The following UNC13C variants were observed in gnomAD, a reference collection of about 807,000 sequenced individuals.
UNC13C encodes the protein protein unc-13 homolog C.
A neutral mutation model predicts 245.4 loss-of-function variants in UNC13C; 174 were observed. The observed-to-expected ratio is 0.71, with a 90% CI of 0.63 to 0.80. The LOEUF (loss-of-function observed/expected upper bound fraction) is 0.80. Ranked by LOEUF, UNC13C falls within the 30% of genes least tolerant of loss-of-function variation. The probability of loss-of-function intolerance (pLI) is 0.00; values close to 1 mark genes in which losing one functional copy is unlikely to be tolerated. For synonymous variants in UNC13C, 992 were observed against 895.1 expected (o/e 1.11, Z -1.93); for missense variants, 2,829 against 2,602.9 (o/e 1.09, Z -1.89).
rs568863370 is a variant in UNC13C, at chr15:54,371,717, T to C, written c.4714-21331T>C. On this transcript the variant is annotated intron_variant, in intron 17 of 32. Coordinates refer to ENST00000260323, the MANE Select transcript of UNC13C (RefSeq NM_001080534.3). ...CCCCTTAATAATGGATATATATATA[T>C]ACACACACACACACACACACATACC... Among the ~76,000 whole-genome samples the C allele has an allele frequency of 2.8e-3, 423 of 149,682 alleles. 5 individuals are homozygous for C. Among genetic ancestry groups the C allele is most frequent in the African/African-American group, 9.3e-3 (380 of 40,766 alleles).
At chr15:53,988,419 G>A (rs1294991420) in intron 1 of UNC13C, among the ~76,000 whole-genome samples, 1 of 151,920 alleles carries the variant, frequency 6.6e-6, no homozygotes, top group Non-Finnish European at 1.5e-5. Context: ...AAATTGTTGT[G>A]AGTAGAGAGC....
intron 30 of UNC13C, among the ~76,000 whole-genome samples, chr15:54,580,517 C>T (rs1429818515): frequency 1.3e-5 from 2 of 152,214 alleles, no homozygotes; most frequent in African/African-American, 4.8e-5. Context: ...TGCTCTGGTT[C>T]TGCCTGGCTG....
chr15:54,581,172 G>A (rs1406877094), intron 30 of UNC13C, among the ~76,000 whole-genome samples: 1 of 152,060 alleles, frequency 6.6e-6, no homozygotes, highest in Admixed American at 6.6e-5. Flanking sequence ...GGGAGCCTTC[G>A]GGGAAGATGT....
At chr15:54,598,198 T>G (rs1378454818) in intron 30 of UNC13C, among the ~76,000 whole-genome samples, 1 of 152,178 alleles carries the variant, frequency 6.6e-6, no homozygotes, top group Non-Finnish European at 1.5e-5. Flanking sequence ...GTTGAAACAA[T>G]TCCCCTGCCT....
At position 54,553,525 on chromosome 15, in the gene UNC13C, CAT is replaced by C. The variant is rs1168964002; in HGVS notation, c.5878-1902_5878-1901del. Among the ~76,000 whole-genome samples the C allele has an allele frequency of 4.3e-5, 6 of 139,774 alleles. No homozygotes were observed. The South Asian group carries it at 6.5e-4, about 15-fold the overall frequency. The allele number at this position is 139,774 out of a possible 152,430, so 91.7% of individuals were successfully genotyped here. The stretch of plus-strand genomic sequence containing the variant: ...TATATTAAATATATGCTATATATAA[CAT>C]ATATTTGCCTCAAAATATTTCATAT... On this transcript the variant is annotated intron_variant, in intron 28 of 32. Transcript: ENST00000260323.
intron 26 of UNC13C, among the ~76,000 whole-genome samples, chr15:54,544,801 C>G (rs556538193): frequency 1.5e-4 from 23 of 152,152 alleles, no homozygotes; most frequent in Non-Finnish European, 2.2e-4. Flanking sequence ...TAAGAGAGGA[C>G]ACAAACAAAT....
chr15:53,876,363 T>C, the UNC13C span, among the ~76,000 whole-genome samples: 1 of 152,170 alleles, frequency 6.6e-6, no homozygotes, highest in Non-Finnish European at 1.5e-5. Flanking sequence ...ATTTCAATAT[T>C]ATATTTAAAA....
intron 4 of UNC13C, among the ~76,000 whole-genome samples, chr15:54,162,999 T>C (rs541549900): frequency 6.6e-6 from 1 of 152,298 alleles, no homozygotes; most frequent in African/African-American, 2.4e-5. Flanking sequence ...TTTTCTTTTC[T>C]TCTGTCTCAC....
chr15:54,312,703 C>G (rs541981229), intron 13 of UNC13C, among the ~76,000 whole-genome samples: 3 of 151,712 alleles, frequency 2.0e-5, no homozygotes, highest in African/African-American at 7.3e-5. Context: ...AACAGCTTTA[C>G]TGCCTGGGGA....
At chr15:54,399,400 A>G (rs2040135623) in intron 18 of UNC13C, among the ~76,000 whole-genome samples, 1 of 151,796 alleles carries the variant, frequency 6.6e-6, no homozygotes, top group African/African-American at 2.4e-5. Context: ...ATTATTTCTA[A>G]ATATTCATAA....
intron 25 of UNC13C, among the ~76,000 whole-genome samples, chr15:54,532,029 A>T (rs60616953): frequency 0.1 from 15,167 of 152,070 alleles, 975 homozygotes; most frequent in African/African-American, 0.17. Context: ...TTTCTTGTAA[A>T]TTTATGTTAT....
At chr15:54,558,481 C>T (rs1897174812) in intron 29 of UNC13C, among the ~76,000 whole-genome samples, 1 of 152,106 alleles carries the variant, frequency 6.6e-6, no homozygotes, top group African/African-American at 2.4e-5. Flanking sequence ...AAAGAGATTA[C>T]TTCTTGCTAT....
the UNC13C span, among the ~76,000 whole-genome samples, chr15:53,862,031 C>T: frequency 3.6e-4 from 54 of 152,058 alleles, no homozygotes; most frequent in African/African-American, 1.3e-3. Flanking sequence ...GCTGCTATAA[C>T]AAAATACCAT....
intron 10 of UNC13C, among the ~76,000 whole-genome samples, chr15:54,293,671 A>T (rs2037359116): frequency 6.6e-6 from 1 of 152,080 alleles, no homozygotes; most frequent in African/African-American, 2.4e-5. Flanking sequence ...TAAAGGAAAT[A>T]GGATGGAATG....
At chr15:54,545,596 T>G (rs905393105) in intron 26 of UNC13C, among the ~76,000 whole-genome samples, 5 of 152,258 alleles carry the variant, frequency 3.3e-5, no homozygotes, top group African/African-American at 1.2e-4. Context: ...CTACTTAATC[T>G]ATAAGGAACT....
chr15:54,128,190 C>T (rs1477417492), intron 2 of UNC13C, among the ~76,000 whole-genome samples: 1 of 152,074 alleles, frequency 6.6e-6, no homozygotes, highest in Non-Finnish European at 1.5e-5. Flanking sequence ...ATGAAGTACT[C>T]ATAAATATAG....
intron 8 of UNC13C, among the ~76,000 whole-genome samples, chr15:54,254,881 T>C (rs1177777098): frequency 6.6e-6 from 1 of 152,196 alleles, no homozygotes; most frequent in Admixed American, 6.5e-5. Context: ...CATTCTATGC[T>C]GCCTGCTGTA....
chr15:54,245,959 A>G (rs942255413), intron 7 of UNC13C, among the ~76,000 whole-genome samples: 1 of 152,158 alleles, frequency 6.6e-6, no homozygotes, highest in African/African-American at 2.4e-5. Context: ...GAAAGGAAAA[A>G]GGAGAGAAAC....
chr15:53,977,599 T>C (rs559543254), upstream of UNC13C, among the ~76,000 whole-genome samples: 3 of 152,208 alleles, frequency 2.0e-5, no homozygotes, highest in Non-Finnish European at 4.4e-5. Flanking sequence ...AGATGTAGCT[T>C]AAAACCTCCA....
Sources: gnomAD v4.1 joint callset for allele counts (sites outside exome capture counted in the v4.1 genomes callset) on GRCh38, gnomAD v4.1.1 for gene constraint, MANE v1.5 for transcripts, NCBI Gene and HGNC (gene_info 2026-07-23, HGNC 2026-07-21) for gene names.